The following DNAJC15 variants were observed in gnomAD, a reference collection of about 807,000 sequenced individuals.
The protein encoded by DNAJC15 is dnaJ homolog subfamily C member 15.
In DNAJC15, 27 loss-of-function variants were observed where a neutral mutation model predicts 22.4. That is an observed-to-expected ratio of 1.20 (90% CI 0.89 to 1.66). The LOEUF (loss-of-function observed/expected upper bound fraction) is 1.66, where lower values mean the gene tolerates loss of function less well. DNAJC15 is among the 40% of genes most tolerant of loss of function. The probability of loss-of-function intolerance (pLI) is 0.00; values close to 1 mark genes in which losing one functional copy is unlikely to be tolerated. For synonymous variants in DNAJC15, 79 were observed against 63.2 expected (o/e 1.25, Z -1.19); for missense variants, 208 against 187.1 (o/e 1.11, Z -0.65).
intron 1 of DNAJC15, among the ~76,000 whole-genome samples, chr13:43,039,619 A>G (rs2040443943): frequency 6.6e-6 from 1 of 152,226 alleles, no homozygotes; most frequent in South Asian, 2.1e-4. Context: ...TTCTAATAAA[A>G]TTTCAGTACA....
At position 43,107,188 on chromosome 13, in the gene DNAJC15, T is replaced by C; in HGVS notation, c.393T>C (p.Pro131=). The change falls in exon 6 of 6, where the codon CCT becomes CCC. Residue 131 remains proline, a synonymous_variant. Transcript: ENST00000379221. The part of the protein sequence containing the change: ...ILNHPDKGGS[P]YVAAKINEAK... ...TCTTTGTTCTCTCAGGTGGATCTCC[T>C]TACGTAGCAGCCAAAATAAATGAAG... The C allele has an allele frequency of 1.9e-6, 3 of 1,588,702 alleles. No homozygotes were observed. The highest frequency in any genetic ancestry group is 2.6e-6 in the Non-Finnish European group (3 of 1,169,384).
chr13:43,060,618 T>G (rs927366079), intron 1 of DNAJC15, among the ~76,000 whole-genome samples: 1 of 152,142 alleles, frequency 6.6e-6, no homozygotes, highest in Non-Finnish European at 1.5e-5. Context: ...TCTTTAACAG[T>G]AAGTCGAGGC....
chr13:43,077,840 A>G (rs1327075132), intron 3 of DNAJC15, among the ~76,000 whole-genome samples: 2 of 152,222 alleles, frequency 1.3e-5, no homozygotes, highest in African/African-American at 4.8e-5. Context: ...ATATACATCC[A>G]GAATCTAACC....
At chr13:43,035,746 G>A (rs1021911714) in intron 1 of DNAJC15, among the ~76,000 whole-genome samples, 1 of 151,922 alleles carries the variant, frequency 6.6e-6, no homozygotes, top group Non-Finnish European at 1.5e-5. Context: ...TTTGAGACAG[G>A]ATCTTGCTCT....
rs1419937938 is a variant in DNAJC15 at position 43,110,931 on chromosome 13, C to T, written c.*3683C>T. 1 of 152,218 alleles carries T rather than the reference C, an allele frequency of 6.6e-6. No individual in the cohort carries two copies. 9.4% of individuals were successfully genotyped at this position (152,218 alleles called of 1,614,324 possible). On this transcript the variant is annotated 3_prime_UTR_variant, in exon 6 of 6. Coordinates refer to ENST00000379221, the MANE Select transcript of DNAJC15 (RefSeq NM_013238.3). ...TGCGCTTGCATATTTGCTGTCATTG[C>T]ATATTCTGCTTAATTAAGCTCTGTT...
chr13:43,059,874 T>C (rs1279038465), intron 1 of DNAJC15, among the ~76,000 whole-genome samples: 1 of 152,196 alleles, frequency 6.6e-6, no homozygotes, highest in African/African-American at 2.4e-5. Context: ...TCTCACAAAG[T>C]GCATTCTGCA....
intron 1 of DNAJC15, among the ~76,000 whole-genome samples, chr13:43,046,825 C>T (rs1169302591): frequency 2.0e-5 from 3 of 152,246 alleles, no homozygotes; most frequent in Non-Finnish European, 2.9e-5. Flanking sequence ...CGCTGACTTA[C>T]ACCCCTCTGG....
intron 5 of DNAJC15, among the ~76,000 whole-genome samples, chr13:43,098,260 G>A (rs887570264): frequency 6.6e-6 from 1 of 152,182 alleles, no homozygotes; most frequent in East Asian, 1.9e-4. Context: ...TAAGACATCA[G>A]TCAGCTAGTA....
chr13:43,043,510 T>G (rs1011959184), intron 1 of DNAJC15, among the ~76,000 whole-genome samples: 1 of 152,238 alleles, frequency 6.6e-6, no homozygotes. Context: ...TTATTATTTA[T>G]TTACTTATTC....
intron 1 of DNAJC15, among the ~76,000 whole-genome samples, chr13:43,033,712 T>A (rs1369492672): frequency 6.6e-6 from 1 of 152,026 alleles, no homozygotes; most frequent in African/African-American, 2.4e-5. Context: ...TTTTAGGTTT[T>A]TGGAAGGAAG....
intron 1 of DNAJC15, among the ~76,000 whole-genome samples, chr13:43,034,584 G>C (rs1447710926): frequency 6.6e-6 from 1 of 151,246 alleles, no homozygotes; most frequent in African/African-American, 2.4e-5. Flanking sequence ...CAAAGTGCTA[G>C]GATTACAGGC....
rs553044447 is a variant in DNAJC15, at chr13:43,077,375, A to T, written c.235-1237A>T. Among the ~76,000 whole-genome samples, 5 of 152,350 alleles carry T rather than the reference A, an allele frequency of 3.3e-5. No homozygotes were observed. The East Asian group carries it at 9.6e-4, about 29-fold the overall frequency. ...TTAGCATAAACAACTCCAGAAAGAAAGGGAAGGACAAGTTAGGCTTCAGTG... is the reference window on the plus strand; with the variant it reads ...TTAGCATAAACAACTCCAGAAAGAATGGGAAGGACAAGTTAGGCTTCAGTG... On this transcript the variant is annotated intron_variant, in intron 3 of 5. Transcript: ENST00000379221.
chr13:43,054,916 C>T (rs867580755), intron 1 of DNAJC15, among the ~76,000 whole-genome samples: 15 of 152,244 alleles, frequency 9.9e-5, no homozygotes, highest in African/African-American at 3.6e-4. Flanking sequence ...AAAGATCAGG[C>T]TGTAAATCAC....
At chr13:43,080,142 A>G (rs2040655041) in intron 4 of DNAJC15, among the ~76,000 whole-genome samples, 2 of 152,146 alleles carry the variant, frequency 1.3e-5, no homozygotes, top group African/African-American at 4.8e-5. Flanking sequence ...CTTGTGTCAC[A>G]GGGGTTTGTT....
intron 1 of DNAJC15, 95 bp downstream of exon 1, chr13:43,023,829 C>G (rs924661368): frequency 1.4e-4 from 169 of 1,167,674 alleles, no homozygotes; most frequent in Middle Eastern, 3.9e-4. Context: ...TTTGTACTCC[C>G]CCGCATTCGC....
intron 3 of DNAJC15, among the ~76,000 whole-genome samples, chr13:43,070,212 T>C (rs967927338): frequency 9.2e-5 from 14 of 152,128 alleles, no homozygotes; most frequent in Admixed American, 8.5e-4. Context: ...ATAATTAAAC[T>C]TAGATTCAAA....
intron 5 of DNAJC15, among the ~76,000 whole-genome samples, chr13:43,106,358 A>G (rs1000883934): frequency 6.6e-6 from 1 of 152,164 alleles, no homozygotes; most frequent in Non-Finnish European, 1.5e-5. Flanking sequence ...TTTAGCTTTC[A>G]TGTGACAGTT....
At chr13:43,050,022 A>G (rs1316322711) in intron 1 of DNAJC15, among the ~76,000 whole-genome samples, 1 of 152,180 alleles carries the variant, frequency 6.6e-6, no homozygotes, top group African/African-American at 2.4e-5. Flanking sequence ...AGGTTCAAGC[A>G]GTTCTCCTGC....
intron 1 of DNAJC15, among the ~76,000 whole-genome samples, chr13:43,050,309 A>T (rs927653449): frequency 1.3e-5 from 2 of 152,050 alleles, no homozygotes; most frequent in Admixed American, 6.6e-5. Context: ...ATTTTAAAAA[A>T]TTTTTTAGTT....
Sources: gnomAD v4.1 joint callset for allele counts (sites outside exome capture counted in the v4.1 genomes callset) on GRCh38, gnomAD v4.1.1 for gene constraint, MANE v1.5 for transcripts, NCBI Gene and HGNC (gene_info 2026-07-23, HGNC 2026-07-21) for gene names.